Variants in BCHE observed in about 807,000 individuals in gnomAD.
BCHE encodes cholinesterase.
Under a neutral mutation model 51.3 loss-of-function variants are expected in BCHE, and 48 were observed. The ratio of observed to expected loss-of-function variants is 0.94; its 90% CI spans 0.74 to 1.19. The LOEUF (loss-of-function observed/expected upper bound fraction) is 1.19, where lower values mean the gene tolerates loss of function less well. BCHE is among the 50% of genes most tolerant of loss of function. BCHE has a pLI of 0.00. For missense variants in BCHE, 847 were observed against 708.2 expected, an observed-to-expected ratio of 1.20 and a Z score of -2.23; for synonymous variants, 251 against 238.0, an observed-to-expected ratio of 1.05 and a Z score of -0.50.
intron 3 of BCHE, among the ~76,000 whole-genome samples, chr3:165,779,315 T>C (rs1488927367): frequency 6.6e-6 from 1 of 152,022 alleles, no homozygotes; most frequent in Non-Finnish European, 1.5e-5. Flanking sequence ...ATAGCCAATA[T>C]CATATTAAAT....
intron 2 of BCHE, among the ~76,000 whole-genome samples, chr3:165,818,716 C>T (rs1714397508): frequency 6.6e-6 from 1 of 152,208 alleles, no homozygotes; most frequent in Non-Finnish European, 1.5e-5. Context: ...GTGAAAAGAA[C>T]AACAATACCA....
chr3:165,830,463 G>T lies in BCHE; in HGVS notation c.571C>A (p.Pro191Thr), dbSNP rs1242956990. The change falls in exon 2 of 4, where the codon CCA (proline) becomes ACA (threonine). Residue 191 changes from proline (P) to threonine (T), a missense_variant. Coordinates refer to ENST00000264381, the MANE Select transcript of BCHE (RefSeq NM_000055.4). Reference protein sequence around the residue: ...FLALPGNPEAPGNMGLFDQQL... With the variant: ...FLALPGNPEATGNMGLFDQQL... ...TGATCAAATAAACCCATGTTCCCTG[G>T]AGCCTCAGGATTTCCTGGCAAAGCT... 6.2e-7 allele frequency: 1 copy of T among 1,613,534 alleles called. No homozygotes were observed. The highest frequency in any genetic ancestry group is 8.5e-7 in the Non-Finnish European group (1 of 1,179,852).
intron 2 of BCHE, among the ~76,000 whole-genome samples, chr3:165,789,125 T>C (rs757765790): frequency 1.1e-4 from 17 of 152,164 alleles, no homozygotes; most frequent in Non-Finnish European, 1.9e-4. Flanking sequence ...ACAAAATAAA[T>C]ACTTCAAAAT....
At chr3:165,773,635 T>C (rs531317404) in intron 3 of BCHE, 129 bp from the exon 4 acceptor site, 5 of 678,734 alleles carry the variant, frequency 7.4e-6, no homozygotes, top group South Asian at 4.8e-5. Flanking sequence ...ATTTATTCTT[T>C]ATTATTTGTT....
At chr3:165,800,642 G>GA (rs904853872) in intron 2 of BCHE, among the ~76,000 whole-genome samples, 1 of 151,928 alleles carries the variant, frequency 6.6e-6, no homozygotes, top group African/African-American at 2.4e-5. Context: ...TCTTCATTGT[G>GA]AAAAAATGAG....
Position 165,786,177 on chromosome 3 carries a change from G to C in BCHE, c.1652C>G (p.Thr551Arg). Residue 551 changes from threonine to arginine, a missense_variant, in exon 3 of 4, where the codon ACA (threonine) becomes AGA (arginine). Physicochemically the swap from Thr to Arg is moderately conservative, Grantham distance 71. Coordinates refer to ENST00000264381, the MANE Select transcript of BCHE (RefSeq NM_000055.4). Reference sequence around the variant, plus strand: ...TTCCAAGACTTTTGGAAAAAATGATGTCCAGAATCGACATTGTTGAGCACG... The same window carrying C: ...TTCCAAGACTTTTGGAAAAAATGATCTCCAGAATCGACATTGTTGAGCACG... ...KLRAQQCRFW[T>R]SFFPKVLEMT... The C allele has an allele frequency of 6.2e-7, 1 of 1,612,000 alleles. No individual in the cohort carries two copies. The highest frequency in any genetic ancestry group is 1.1e-5 in the South Asian group (1 of 91,042).
chr3:165,786,540 A>C (rs1037901511), intron 2 of BCHE, among the ~76,000 whole-genome samples: 2 of 151,794 alleles, frequency 1.3e-5, no homozygotes, highest in African/African-American at 4.8e-5. Flanking sequence ...TGAATTTTTT[A>C]TATGCATTTC....
intron 2 of BCHE, among the ~76,000 whole-genome samples, chr3:165,812,251 T>C (rs1261682840): frequency 2.0e-5 from 3 of 147,978 alleles, no homozygotes; most frequent in African/African-American, 7.4e-5. Context: ...CATCAATCTA[T>C]CAATGGAAAA....
intron 2 of BCHE, among the ~76,000 whole-genome samples, chr3:165,818,418 T>A (rs1411378839): frequency 6.6e-6 from 1 of 152,092 alleles, no homozygotes; most frequent in Non-Finnish European, 1.5e-5. Flanking sequence ...TTAGGTACCA[T>A]AATTTAAAAT....
intron 2 of BCHE, among the ~76,000 whole-genome samples, chr3:165,821,455 A>C (rs1714513953): frequency 6.6e-6 from 1 of 151,702 alleles, no homozygotes; most frequent in Non-Finnish European, 1.5e-5. Flanking sequence ...AGAGAGAGAG[A>C]GCGCACCAAG....
chr3:165,836,809 C>A (rs186228861), intron 1 of BCHE, among the ~76,000 whole-genome samples: 1 of 151,998 alleles, frequency 6.6e-6, no homozygotes, highest in African/African-American at 2.4e-5. Context: ...CTCTCATTTG[C>A]CAGTTGTTAC....
chr3:165,812,777 T>C (rs1227158351), intron 2 of BCHE, among the ~76,000 whole-genome samples: 3 of 151,974 alleles, frequency 2.0e-5, no homozygotes, highest in Admixed American at 1.3e-4. Flanking sequence ...ATACAGTGAA[T>C]ATGCATATAC....
At chr3:165,777,913 A>C in intron 3 of BCHE, 2 of 267,864 alleles carry the variant, frequency 7.5e-6, no homozygotes, top group Non-Finnish European at 1.5e-5. Flanking sequence ...AGCTTACTTT[A>C]TTATAATAAT....
intron 2 of BCHE, among the ~76,000 whole-genome samples, chr3:165,826,902 C>T (rs1018671986): frequency 3.3e-5 from 5 of 152,076 alleles, no homozygotes; most frequent in African/African-American, 9.7e-5. Flanking sequence ...TGTTTAGCAG[C>T]ATGCTGGGCC....
chr3:165,823,813 A>G (rs1164137908), intron 2 of BCHE, among the ~76,000 whole-genome samples: 2 of 152,016 alleles, frequency 1.3e-5, no homozygotes, highest in Non-Finnish European at 2.9e-5. Flanking sequence ...ACTAGAGTGC[A>G]GTGCCCTGAT....
intron 1 of BCHE, among the ~76,000 whole-genome samples, chr3:165,835,482 TA>T (rs2108239535): frequency 6.6e-6 from 1 of 151,934 alleles, no homozygotes; most frequent in South Asian, 2.1e-4. Flanking sequence ...TACTTGGAAA[TA>T]AACCCTCTTA....
intron 2 of BCHE, among the ~76,000 whole-genome samples, chr3:165,810,412 C>A (rs1714049411): frequency 6.6e-6 from 1 of 152,158 alleles, no homozygotes; most frequent in South Asian, 2.1e-4. Flanking sequence ...ACATCCATTT[C>A]CTTCCTGTGT....
intron 2 of BCHE, among the ~76,000 whole-genome samples, chr3:165,811,791 G>A (rs1039284310): frequency 6.6e-6 from 1 of 151,982 alleles, no homozygotes; most frequent in African/African-American, 2.4e-5. Context: ...TAAGTACTGA[G>A]CCCAGTGAGG....
intron 1 of BCHE, among the ~76,000 whole-genome samples, chr3:165,835,626 T>A (rs1433503848): frequency 6.6e-6 from 1 of 151,832 alleles, no homozygotes; most frequent in Non-Finnish European, 1.5e-5. Flanking sequence ...GCAGACTAAG[T>A]GAAGTGGGGA....
Sources: allele counts gnomAD v4.1 joint callset (sites outside exome capture counted in the v4.1 genomes callset), GRCh38; gene constraint gnomAD v4.1.1; transcripts MANE v1.5; gene names NCBI Gene and HGNC (gene_info 2026-07-23, HGNC 2026-07-21).